Variants in PSD3 observed in about 807,000 individuals in gnomAD.
PSD3 encodes pleckstrin and Sec7 domain containing 3, also known as PH and SEC7 domain-containing protein 3.
In PSD3, 49 loss-of-function variants were observed where a neutral mutation model predicts 105.5. The ratio of observed to expected loss-of-function variants is 0.46; its 90% CI spans 0.37 to 0.59. The LOEUF is 0.59. Ranked by LOEUF, PSD3 falls within the 20% of genes least tolerant of loss-of-function variation. PSD3 has a pLI of 0.00. For synonymous variants in PSD3, 557 were observed against 457.8 expected (o/e 1.22, Z -2.77); for missense variants, 1,561 against 1,263.8 (o/e 1.24, Z -3.57).
At chr8:18,992,400 TG>T (rs1460394110) in intron 1 of PSD3, among the ~76,000 whole-genome samples, 1 of 152,182 alleles carries the variant, frequency 6.6e-6, no homozygotes, top group Non-Finnish European at 1.5e-5. Context: ...CAGTTGTGCT[TG>T]GAAGTGTCTG....
intron 11 of PSD3, among the ~76,000 whole-genome samples, chr8:18,617,559 T>A (rs1242849581): frequency 1.3e-5 from 2 of 152,062 alleles, no homozygotes; most frequent in Non-Finnish European, 2.9e-5. Flanking sequence ...ACTCTTATAT[T>A]TATATATCAT....
At chr8:18,696,883 A>G (rs905067341) in intron 9 of PSD3, among the ~76,000 whole-genome samples, 4 of 152,222 alleles carry the variant, frequency 2.6e-5, no homozygotes, top group African/African-American at 9.7e-5. Flanking sequence ...ATGTGTAAAA[A>G]GAAAACAAGT....
chr8:18,694,879 G>C (rs528456638), intron 9 of PSD3, among the ~76,000 whole-genome samples: 2 of 152,176 alleles, frequency 1.3e-5, no homozygotes, highest in South Asian at 2.1e-4. Context: ...ACTGATTCAA[G>C]GGATCCTTGG....
intron 15 of PSD3, among the ~76,000 whole-genome samples, chr8:18,547,249 A>G (rs1800503539): frequency 6.6e-6 from 1 of 152,186 alleles, no homozygotes; most frequent in East Asian, 1.9e-4. Flanking sequence ...GTGCCATATC[A>G]TGGTAGCTTA....
chr8:18,985,180 C>A (rs568571015), intron 1 of PSD3, among the ~76,000 whole-genome samples: 1 of 152,134 alleles, frequency 6.6e-6, no homozygotes, highest in Non-Finnish European at 1.5e-5. Flanking sequence ...ATGATCTGCC[C>A]GCCTTGACCT....
chr8:18,670,089 C>A lies in PSD3; in HGVS notation c.2173-14404G>T, dbSNP rs891716892. Among the ~76,000 whole-genome samples the A allele has an allele frequency of 5.3e-5, 8 of 152,178 alleles. No homozygotes were observed. The South Asian group carries it at 1.5e-3, about 28-fold the overall frequency. On this transcript the variant is annotated intron_variant, in intron 9 of 15. Transcript: ENST00000327040. ...ACCAGATAATTATTATAAGGTGATT[C>A]AAATAAGGTCACTGGAAAGAGTAGC...
chr8:18,995,740 G>A (rs1396662653), intron 1 of PSD3, among the ~76,000 whole-genome samples: 1 of 151,970 alleles, frequency 6.6e-6, no homozygotes, highest in Non-Finnish European at 1.5e-5. Context: ...CATAGTGGCA[G>A]GCAAGAGAGC....
At chr8:18,556,010 T>C (rs1196804781) in intron 15 of PSD3, among the ~76,000 whole-genome samples, 199 bp downstream of exon 15, 1 of 152,172 alleles carries the variant, frequency 6.6e-6, no homozygotes, top group Non-Finnish European at 1.5e-5. Flanking sequence ...AACTGGCAGG[T>C]TACTCTTTGA....
At chr8:18,708,206 G>A (rs981668050) in intron 9 of PSD3, among the ~76,000 whole-genome samples, 1 of 152,094 alleles carries the variant, frequency 6.6e-6, no homozygotes, top group Admixed American at 6.5e-5. Flanking sequence ...TTACACATAT[G>A]GCAAAGAGGA....
intron 10 of PSD3, among the ~76,000 whole-genome samples, chr8:18,645,080 C>A (rs531561193): frequency 6.6e-6 from 1 of 152,196 alleles, no homozygotes; most frequent in South Asian, 2.1e-4. Context: ...CGATAACTAA[C>A]CCACTCCCTT....
At chr8:18,799,479 G>A in intron 7 of PSD3, 126 bp from the exon 8 acceptor site, 1 of 721,920 alleles carries the variant, frequency 1.4e-6, no homozygotes, top group Middle Eastern at 2.4e-4. Flanking sequence ...AATTAGTCCT[G>A]TTTTAAGAAA....
intron 8 of PSD3, among the ~76,000 whole-genome samples, chr8:18,782,770 G>A (rs1390448360): frequency 2.6e-5 from 4 of 152,204 alleles, no homozygotes; most frequent in Non-Finnish European, 5.9e-5. Flanking sequence ...GGGGCCCCAA[G>A]CTACAGCTTT....
intron 11 of PSD3, among the ~76,000 whole-genome samples, chr8:18,628,213 AC>A (rs1806634706): frequency 6.6e-6 from 1 of 151,848 alleles, no homozygotes; most frequent in African/African-American, 2.4e-5. Context: ...AAAAACATGA[AC>A]CTATGAATCC....
intron 4 of PSD3, among the ~76,000 whole-genome samples, chr8:18,825,299 AC>A (rs1042494283): frequency 6.6e-6 from 1 of 152,168 alleles, no homozygotes; most frequent in Non-Finnish European, 1.5e-5. Flanking sequence ...AGTTGTGAAG[AC>A]CACCAGACTC....
intron 1 of PSD3, among the ~76,000 whole-genome samples, chr8:18,954,007 G>C (rs1274919866): frequency 6.6e-6 from 1 of 152,046 alleles, no homozygotes; most frequent in Non-Finnish European, 1.5e-5. Flanking sequence ...CAGTGACACA[G>C]GGCTCTGAGC....
At chr8:18,992,861 G>C (rs1056785712) in intron 1 of PSD3, among the ~76,000 whole-genome samples, 1 of 136,572 alleles carries the variant, frequency 7.3e-6, no homozygotes, top group African/African-American at 2.6e-5. Context: ...AGATTTCTAA[G>C]GTCCGTCTGA....
chr8:19,065,323 A>T (rs1366335486), intron 1 of PSD3, among the ~76,000 whole-genome samples: 11 of 152,190 alleles, frequency 7.2e-5, no homozygotes, highest in Admixed American at 7.2e-4. Flanking sequence ...TCCATCACCA[A>T]GTAAACAATC....
rs1827064901 is a variant in PSD3 at position 19,013,692 on chromosome 8, C to T, written c.-109G>A. On this transcript the variant is annotated 5_prime_UTR_variant, in exon 1 of 16. Transcript: ENST00000327040. ...AGCGCCGCGTGCTCTTTGTTGAGCT[C>T]CCGGGACTGCCGAGAGGCGGCGGCC... The T allele has an allele frequency of 3.0e-6, 3 of 994,932 alleles. No homozygotes were observed. The highest frequency in any genetic ancestry group is 3.8e-6 in the Non-Finnish European group (3 of 791,466). The allele number at this position is 994,932 out of a possible 1,614,324, so 61.6% of individuals were successfully genotyped here.
At chr8:18,956,977 C>T (rs1823609966) in intron 1 of PSD3, among the ~76,000 whole-genome samples, 1 of 152,152 alleles carries the variant, frequency 6.6e-6, no homozygotes, top group South Asian at 2.1e-4. Context: ...TACATGCCCC[C>T]ATCACTTCTC....
Sources: gnomAD v4.1 joint callset for allele counts (sites outside exome capture counted in the v4.1 genomes callset) on GRCh38, gnomAD v4.1.1 for gene constraint, MANE v1.5 for transcripts, NCBI Gene and HGNC (gene_info 2026-07-23, HGNC 2026-07-21) for gene names.